The following EFHC2 variants were observed in gnomAD, a reference collection of about 807,000 sequenced individuals.
EFHC2 encodes the protein EF-hand domain containing 2, also known as EF-hand domain-containing family member C2.
A neutral mutation model predicts 52.7 loss-of-function variants in EFHC2; 18 were observed. The ratio of observed to expected loss-of-function variants is 0.34; its 90% CI spans 0.24 to 0.51. The LOEUF is 0.51. Ranked by LOEUF, EFHC2 falls within the 20% of genes least tolerant of loss-of-function variation. The pLI, the probability that EFHC2 is intolerant of heterozygous loss-of-function variation, is 0.97. For synonymous variants in EFHC2, 203 were observed against 204.1 expected, an observed-to-expected ratio of 0.99 and a Z score of 0.04; for missense variants, 513 against 562.5, an observed-to-expected ratio of 0.91 and a Z score of 0.89.
In EFHC2 at chrX:44,178,450, T is replaced by A. The variant is rs2036807220; in HGVS notation, c.1866A>T (p.Ala622=). 8.3e-7 allele frequency: 1 copy of A among 1,205,374 alleles called. No homozygotes were observed. The highest frequency in any genetic ancestry group is 1.8e-5 in the South Asian group (1 of 55,504). Residue 622 remains alanine (A), a synonymous_variant, in exon 12 of 15, where the codon GCA becomes GCT. Coordinates refer to ENST00000420999, the MANE Select transcript of EFHC2 (RefSeq NM_025184.4). The stretch of plus-strand genomic sequence containing the variant: ...TTTTCTTGAACTTTTCGTGGGCCAG[T>A]GCGATTAAGAAATCCATATCTGAAC... ...GTCSDMDFLI[A]LAHEKFKKNM...
At chrX:44,160,505 T>C (rs1396242239) in intron 14 of EFHC2, among the ~76,000 whole-genome samples, 2 of 111,921 alleles carry the variant, frequency 1.8e-5, no homozygotes, top group Admixed American at 1.9e-4. Flanking sequence ...TAGGTTGTAG[T>C]ACAAAAAGAT....
At chrX:44,237,534 C>A (rs901831120) in intron 8 of EFHC2, among the ~76,000 whole-genome samples, 2 of 111,626 alleles carry the variant, frequency 1.8e-5, no homozygotes, top group African/African-American at 6.5e-5. Flanking sequence ...ACATACAGCC[C>A]AGAGTTATCT....
At chrX:44,212,816 A>C (rs982433303) in intron 11 of EFHC2, among the ~76,000 whole-genome samples, 9 of 110,237 alleles carry the variant, frequency 8.2e-5, no homozygotes, top group Non-Finnish European at 1.7e-4. Context: ...GGTTCCAGTG[A>C]TTCTCCCGCC....
At chrX:44,189,122 C>CAAAA (rs35770665) in intron 11 of EFHC2, among the ~76,000 whole-genome samples, 3 of 46,315 alleles carry the variant, frequency 6.5e-5, no homozygotes, top group Non-Finnish European at 8.0e-5. Context: ...GACTCTATCT[C>CAAAA]AAAAAAAAAA....
chrX:44,237,211 A>T (rs1170114255), intron 8 of EFHC2, among the ~76,000 whole-genome samples: 1 of 111,705 alleles, frequency 9.0e-6, no homozygotes, highest in East Asian at 2.8e-4. Context: ...CATCTCCAGA[A>T]ACCTGCATTA....
intron 10 of EFHC2, 122 bp from the exon 11 acceptor site, chrX:44,229,901 T>C (rs2147320326): frequency 2.7e-6 from 2 of 737,710 alleles, no homozygotes; most frequent in African/African-American, 2.2e-5. Context: ...AGATTTGTCT[T>C]TGCAAAGAAA....
intron 11 of EFHC2, among the ~76,000 whole-genome samples, chrX:44,206,820 T>A (rs1391800661): frequency 9.0e-6 from 1 of 111,635 alleles, no homozygotes; most frequent in Non-Finnish European, 1.9e-5. Flanking sequence ...CCTATCAAAT[T>A]ACCAATGTCA....
intron 11 of EFHC2, among the ~76,000 whole-genome samples, chrX:44,182,074 G>A (rs1044692219): frequency 2.7e-5 from 3 of 111,278 alleles, no homozygotes; most frequent in African/African-American, 9.8e-5. Flanking sequence ...GAGCAACCAC[G>A]CCTCTTTCCT....
chrX:44,324,463 C>T (rs775599148), intron 1 of EFHC2, among the ~76,000 whole-genome samples: 1 of 111,160 alleles, frequency 9.0e-6, no homozygotes, highest in Non-Finnish European at 1.9e-5. Flanking sequence ...TTTGAGAAAT[C>T]GGCTCTATCT....
chrX:44,343,454 C>T, intron 1 of EFHC2, 93 bp downstream of exon 1: 1 of 1,103,201 alleles, frequency 9.1e-7, no homozygotes, highest in Non-Finnish European at 1.2e-6. Flanking sequence ...CATGGGGCCT[C>T]CAGGAGAGTC....
intron 11 of EFHC2, among the ~76,000 whole-genome samples, chrX:44,195,210 C>T (rs1045150249): frequency 2.7e-5 from 3 of 111,756 alleles, no homozygotes; most frequent in African/African-American, 9.8e-5. Flanking sequence ...GCCAGTTCTG[C>T]GCCTAGGCCT....
At chrX:44,267,100 A>G (rs1183139147) in intron 3 of EFHC2, among the ~76,000 whole-genome samples, 2 of 111,842 alleles carry the variant, frequency 1.8e-5, no homozygotes, top group African/African-American at 6.5e-5. Flanking sequence ...ATACCAGAAA[A>G]TCACGGCACA....
rs1602136802 is a variant in EFHC2 at position 44,178,373 on chromosome X, C to T, written c.1943G>A (p.Arg648Gln). 1.7e-6 allele frequency: 2 copies of T among 1,173,863 alleles called. No homozygotes were observed. The highest frequency in any genetic ancestry group is 1.8e-5 in the African/African-American group (1 of 56,830). Residue 648 changes from arginine (R) to glutamine (Q), a missense_variant, in exon 12 of 15, where the codon CGA becomes CAA. Coordinates refer to ENST00000420999, the MANE Select transcript of EFHC2 (RefSeq NM_025184.4). Reference protein sequence around the residue: ...TFIYSCVYEDREKKNVLPTKD... With the variant: ...TFIYSCVYEDQEKKNVLPTKD... ...CAATAAAACAAAAGCTTACTTTTCT[C>T]GATCTTCATACACACAGGAATAAAT... is the stretch of plus-strand genomic sequence containing the variant.
intron 1 of EFHC2, among the ~76,000 whole-genome samples, chrX:44,323,470 T>C (rs1292374123): frequency 8.9e-6 from 1 of 111,903 alleles, no homozygotes; most frequent in Non-Finnish European, 1.9e-5. Flanking sequence ...AAGTGAACCT[T>C]GAACCATGCA....
intron 2 of EFHC2, among the ~76,000 whole-genome samples, chrX:44,293,418 TAC>T (rs2037806648): frequency 9.0e-6 from 1 of 111,449 alleles, no homozygotes; most frequent in African/African-American, 3.3e-5. Flanking sequence ...CACTTTTTTT[TAC>T]AGTTAGCAAT....
At chrX:44,332,597 A>G (rs1224807578) in intron 1 of EFHC2, among the ~76,000 whole-genome samples, 1 of 111,361 alleles carries the variant, frequency 9.0e-6, no homozygotes, top group Non-Finnish European at 1.9e-5. Flanking sequence ...GAAACAGAAT[A>G]AACTCCCCCA....
At chrX:44,163,541 C>T (rs188483756) in intron 14 of EFHC2, among the ~76,000 whole-genome samples, 1 of 112,073 alleles carries the variant, frequency 8.9e-6, no homozygotes, top group Admixed American at 9.5e-5. Flanking sequence ...CGCGGATACC[C>T]GGATACCCTA....
intron 2 of EFHC2, among the ~76,000 whole-genome samples, chrX:44,292,296 G>T (rs1312875380): frequency 1.8e-5 from 2 of 111,146 alleles, no homozygotes. Context: ...GAGTGTTTCA[G>T]ATGTTTTTCA....
intron 1 of EFHC2, among the ~76,000 whole-genome samples, chrX:44,342,867 C>T (rs1471557380): frequency 3.0e-5 from 1 of 33,390 alleles, no homozygotes; most frequent in Non-Finnish European, 5.1e-5. Context: ...CAGAGCGAGA[C>T]TCCGTCTCAA....
Sources: allele counts gnomAD v4.1 joint callset (sites outside exome capture counted in the v4.1 genomes callset), GRCh38; gene constraint gnomAD v4.1.1; transcripts MANE v1.5; gene names NCBI Gene and HGNC (gene_info 2026-07-23, HGNC 2026-07-21).